The following DYSF variants were observed in gnomAD, a reference collection of about 807,000 sequenced individuals.
DYSF encodes dystrophy-associated fer-1-like 1.
A neutral mutation model predicts 274.9 loss-of-function variants in DYSF; 212 were observed. The observed-to-expected ratio is 0.77, with a 90% CI of 0.69 to 0.86. DYSF has a LOEUF of 0.86. Ranked by LOEUF, DYSF falls within the 40% of genes least tolerant of loss-of-function variation. The pLI is 0.00. For synonymous variants in DYSF, 1,091 were observed against 1,078.7 expected (o/e 1.01, Z -0.22); for missense variants, 2,666 against 2,783.2 (o/e 0.96, Z 0.95).
chr2:71,471,922 C>T (rs553779207), intron 1 of DYSF, among the ~76,000 whole-genome samples: 1 of 150,396 alleles, frequency 6.6e-6, no homozygotes, highest in Admixed American at 6.6e-5. Context: ...GCCGAGATCT[C>T]ACCACTGCTC....
intron 24 of DYSF, 123 bp from the exon 25 acceptor site, chr2:71,567,828 C>T: frequency 7.1e-7 from 1 of 1,407,966 alleles, no homozygotes; most frequent in South Asian, 1.3e-5. Context: ...CCACAGGGGA[C>T]ACTCCCAGTG....
intron 1 of DYSF, among the ~76,000 whole-genome samples, chr2:71,472,891 C>G (rs1157412172): frequency 6.6e-6 from 1 of 152,154 alleles, no homozygotes. Context: ...TTTCTAGTAT[C>G]TTCTCCAGTT....
chr2:71,609,133 C>G (rs2093701057), intron 36 of DYSF, among the ~76,000 whole-genome samples: 1 of 152,152 alleles, frequency 6.6e-6, no homozygotes, highest in African/African-American at 2.4e-5. Context: ...CTGGGGGTCC[C>G]CATAGCAGCC....
intron 6 of DYSF, 69 bp downstream of exon 6, chr2:71,513,401 C>A: frequency 1.3e-6 from 2 of 1,501,420 alleles, no homozygotes; most frequent in South Asian, 2.5e-5. Flanking sequence ...CTGCCATGGT[C>A]AGCTTGCTGG....
chr2:71,518,027 C>T (rs2086838075), intron 10 of DYSF, among the ~76,000 whole-genome samples: 1 of 152,116 alleles, frequency 6.6e-6, no homozygotes, highest in Non-Finnish European at 1.5e-5. Flanking sequence ...ACCCAGCGCT[C>T]TCTGCCCTGA....
chr2:71,530,229 A>G (rs1559089344), intron 14 of DYSF, among the ~76,000 whole-genome samples: 3 of 152,262 alleles, frequency 2.0e-5, no homozygotes, highest in Admixed American at 1.3e-4. Flanking sequence ...GTGGGACACT[A>G]GCTCCAAGGA....
intron 29 of DYSF, 28 bp from the exon 30 acceptor site, chr2:71,574,170 C>G (rs1237877232): frequency 1.2e-6 from 2 of 1,611,212 alleles, no homozygotes; most frequent in Admixed American, 3.3e-5. Flanking sequence ...TCCCACCGGC[C>G]TCTGAGTCTG....
intron 26 of DYSF, 22 bp from the exon 27 acceptor site, chr2:71,569,796 ACT>A: frequency 1.3e-6 from 2 of 1,599,330 alleles, no homozygotes; most frequent in Non-Finnish European, 1.7e-6. Flanking sequence ...AGCAGCAGAG[ACT>A]CTGACCAGCC....
At chr2:71,672,857 A>G (rs2095153982) in intron 51 of DYSF, among the ~76,000 whole-genome samples, 1 of 152,166 alleles carries the variant, frequency 6.6e-6, no homozygotes, top group Non-Finnish European at 1.5e-5. Flanking sequence ...AGAGGGCTGG[A>G]GGTGAGGGGC....
intron 52 of DYSF, among the ~76,000 whole-genome samples, chr2:71,675,933 A>G (rs2095214758): frequency 6.6e-6 from 1 of 152,124 alleles, no homozygotes; most frequent in African/African-American, 2.4e-5. Context: ...ACTGTTTTAT[A>G]TCCTGATTTT....
rs186276423 is a variant in DYSF, at chr2:71,522,491, C to T, written c.1149+1587C>T. Among the ~76,000 whole-genome samples the T allele has an allele frequency of 3.6e-4, 55 of 152,254 alleles. No homozygotes were observed. In the Middle Eastern group the frequency reaches 0.01, roughly 28 times the overall value. On this transcript the variant is annotated intron_variant, in intron 12 of 55. Coordinates refer to ENST00000410020, the MANE Select transcript of DYSF (RefSeq NM_001130987.2). ...CCCTTAGTATTCATGACTCTCCTTG[C>T]TCCTTTTCCAGTGGGTTCTTCAAAT...
intron 41 of DYSF, 56 bp downstream of exon 41, chr2:71,620,665 T>TGGGGGG: frequency 1.4e-6 from 2 of 1,394,794 alleles, no homozygotes. Context: ...GGGCTGGGGG[T>TGGGGGG]AGGGGGGTTA....
intron 36 of DYSF, among the ~76,000 whole-genome samples, chr2:71,604,725 C>T (rs895750193): frequency 6.6e-5 from 10 of 152,208 alleles, no homozygotes; most frequent in African/African-American, 1.9e-4. Flanking sequence ...TTTCAGCTAG[C>T]GCAGCCAGGT....
At chr2:71,676,861 T>C (rs568351289) in intron 52 of DYSF, among the ~76,000 whole-genome samples, 5 of 152,196 alleles carry the variant, frequency 3.3e-5, no homozygotes, top group Non-Finnish European at 4.4e-5. Flanking sequence ...ACCTATAAGC[T>C]CACCATCCAG....
intron 1 of DYSF, among the ~76,000 whole-genome samples, chr2:71,459,677 C>T (rs573284800): frequency 6.6e-6 from 1 of 152,266 alleles, no homozygotes; most frequent in Admixed American, 6.5e-5. Flanking sequence ...GACAACATGT[C>T]TGTGGGCTGG....
At chr2:71,656,037 C>T in intron 42 of DYSF, 125 bp from the exon 43 acceptor site, 1 of 1,267,116 alleles carries the variant, frequency 7.9e-7, no homozygotes, top group Non-Finnish European at 1.1e-6. Flanking sequence ...CTTCTCTCTT[C>T]CTTCTCTCTC....
intron 32 of DYSF, 26 bp from the exon 33 acceptor site, chr2:71,598,538 C>T: frequency 6.2e-7 from 1 of 1,613,884 alleles, no homozygotes; most frequent in Non-Finnish European, 8.5e-7. Context: ...TGTCCTGTCT[C>T]CCCTCCCCCT....
intron 32 of DYSF, among the ~76,000 whole-genome samples, chr2:71,591,803 C>T (rs2093273859): frequency 1.3e-5 from 2 of 152,216 alleles, no homozygotes; most frequent in Non-Finnish European, 2.9e-5. Flanking sequence ...CAGTCTGTGT[C>T]CTTCTCTCCA....
Position 71,520,892 on chromosome 2 carries a change from G to A in DYSF, c.1137G>A (p.Gly379=). 1 of 1,614,080 alleles carries A rather than the reference G, an allele frequency of 6.2e-7. No individual in the cohort carries two copies. The highest frequency in any genetic ancestry group is 8.5e-7 in the Non-Finnish European group (1 of 1,180,008). ...LKTSLCVLGP[G]DEAPLERKDP... is the part of the protein sequence containing the mutation. ...CAAGCCTTTGTGTGCTGGGGCCTGG[G>A]GACGAAGCGCCTGTGAGTACATTTC... The change falls in exon 12 of 56, where the codon GGG becomes GGA. Residue 379 remains glycine (G), a synonymous_variant. Coordinates refer to ENST00000410020, the MANE Select transcript of DYSF (RefSeq NM_001130987.2).
Sources: gnomAD v4.1 joint callset for allele counts (sites outside exome capture counted in the v4.1 genomes callset) on GRCh38, gnomAD v4.1.1 for gene constraint, MANE v1.5 for transcripts, NCBI Gene and HGNC (gene_info 2026-07-23, HGNC 2026-07-21) for gene names.